RCAN3: variants seen among roughly 807,000 people sequenced by gnomAD.
The protein encoded by RCAN3 is calcipressin-3.
RCAN3 carries 19 observed loss-of-function variants against 21.9 expected under a neutral mutation model. The observed-to-expected ratio is 0.87, with a 90% CI of 0.61 to 1.27. RCAN3 has a LOEUF of 1.27. Ranked by LOEUF, RCAN3 falls within the 50% of genes most tolerant of loss-of-function variation. RCAN3 has a pLI of 0.00. For missense variants in RCAN3, 240 were observed against 300.1 expected (o/e 0.80, Z 1.48); for synonymous variants, 114 against 112.3 (o/e 1.01, Z -0.09).
At chr1:24,510,790 C>T (rs1219228002) in intron 1 of RCAN3, among the ~76,000 whole-genome samples, 2 of 152,178 alleles carry the variant, frequency 1.3e-5, no homozygotes, top group African/African-American at 4.8e-5. Flanking sequence ...AGCTTTTGGC[C>T]TCTGGGGACG....
chr1:24,520,444 C>T (rs1648695665), intron 2 of RCAN3, among the ~76,000 whole-genome samples: 1 of 152,098 alleles, frequency 6.6e-6, no homozygotes, highest in African/African-American at 2.4e-5. Context: ...TATCTATGGA[C>T]TGGAAAACTT....
At chr1:24,528,522 A>G (rs1457448899) in intron 2 of RCAN3, among the ~76,000 whole-genome samples, 1 of 152,228 alleles carries the variant, frequency 6.6e-6, no homozygotes, top group African/African-American at 2.4e-5. Flanking sequence ...TCTCCATGCA[A>G]TACATAATCA....
chr1:24,519,207 G>A (rs896567559), intron 2 of RCAN3, among the ~76,000 whole-genome samples: 2 of 140,342 alleles, frequency 1.4e-5, no homozygotes, highest in African/African-American at 5.9e-5. Context: ...CACTGTGCCT[G>A]GCCTGATGTT....
intron 2 of RCAN3, among the ~76,000 whole-genome samples, chr1:24,529,512 C>T (rs1302226128): frequency 6.8e-6 from 1 of 148,110 alleles, no homozygotes; most frequent in African/African-American, 2.5e-5. Flanking sequence ...GATCACACCA[C>T]TGCACTCCAG....
At chr1:24,534,994 C>A in intron 4 of RCAN3, 99 bp from the exon 5 acceptor site, 1 of 1,055,102 alleles carries the variant, frequency 9.5e-7, no homozygotes, top group Non-Finnish European at 1.4e-6. Flanking sequence ...CAAGAATCAC[C>A]CATTAAAATA....
chr1:24,506,985 A>G (rs140582298), intron 1 of RCAN3, among the ~76,000 whole-genome samples: 2 of 152,298 alleles, frequency 1.3e-5, no homozygotes, highest in East Asian at 3.9e-4. Flanking sequence ...ATAGGATAGA[A>G]ACATTAGTGC....
intron 2 of RCAN3, among the ~76,000 whole-genome samples, chr1:24,521,614 A>G (rs994004846): frequency 2.0e-5 from 3 of 152,278 alleles, no homozygotes; most frequent in Admixed American, 2.0e-4. Context: ...TTGGGAATAC[A>G]AGGCAGGTAG....
At chr1:24,504,457 C>T (rs1344408845) in intron 1 of RCAN3, among the ~76,000 whole-genome samples, 3 of 113,822 alleles carry the variant, frequency 2.6e-5, no homozygotes, top group Non-Finnish European at 5.2e-5. Flanking sequence ...CATGAGCCAC[C>T]GCACCCAGCC....
chr1:24,514,602 G>T, intron 2 of RCAN3, 35 bp downstream of exon 2: 1 of 1,583,858 alleles, frequency 6.3e-7, no homozygotes, highest in Non-Finnish European at 8.6e-7. Flanking sequence ...TACATTTGTA[G>T]CATGTTAAAT....
In RCAN3 at chr1:24,533,177, T is replaced by C. The variant is rs1213605845; in HGVS notation, c.464T>C (p.Val155Ala). The C allele has an allele frequency of 6.2e-7, 1 of 1,606,718 alleles. No homozygotes were observed. Among genetic ancestry groups the C allele is most frequent in the Non-Finnish European group, 8.5e-7 (1 of 1,177,544 alleles). ...FLISPPASPP[V>A]GWKQSEDAMP... is the part of the protein sequence containing the mutation. The stretch of plus-strand genomic sequence containing the variant: ...ATCTCCCCTCCAGCCTCTCCCCCGG[T>C]GGGGTGGAAGCAGAGCGAAGATGCG... Residue 155 changes from valine (V) to alanine (A), a missense_variant, in exon 4 of 5, where the codon GTG becomes GCG. Coordinates refer to ENST00000374395, the MANE Select transcript of RCAN3 (RefSeq NM_013441.4).
At chr1:24,505,225 C>T (rs947988933) in intron 1 of RCAN3, among the ~76,000 whole-genome samples, 26 of 109,438 alleles carry the variant, frequency 2.4e-4, no homozygotes, top group South Asian at 5.9e-4. Flanking sequence ...TTTTTTTTCT[C>T]TTTTTTCTTT....
intron 1 of RCAN3, among the ~76,000 whole-genome samples, chr1:24,506,084 C>G (rs1386866032): frequency 1.3e-5 from 2 of 152,094 alleles, no homozygotes; most frequent in Admixed American, 1.3e-4. Flanking sequence ...GACGGGAAAC[C>G]TGGATTAGCA....
chr1:24,521,274 G>T (rs559866039), intron 2 of RCAN3, among the ~76,000 whole-genome samples: 4 of 152,260 alleles, frequency 2.6e-5, no homozygotes, highest in Non-Finnish European at 4.4e-5. Flanking sequence ...GAATGAAGTT[G>T]CATCCTTATT....
At chr1:24,526,619 G>GGGA (rs879332897) in intron 2 of RCAN3, among the ~76,000 whole-genome samples, 1 of 152,188 alleles carries the variant, frequency 6.6e-6, no homozygotes, top group African/African-American at 2.4e-5. Context: ...GATAATACAT[G>GGGA]AGCCTTTTCC....
At chr1:24,523,648 A>ATATATATTTT (rs113786883) in intron 2 of RCAN3, among the ~76,000 whole-genome samples, 1 of 139,706 alleles carries the variant, frequency 7.2e-6, no homozygotes, top group African/African-American at 3.1e-5. Context: ...ACACATATAT[A>ATATATATTTT]TTTTTTTTCT....
intron 2 of RCAN3, among the ~76,000 whole-genome samples, chr1:24,518,050 C>G (rs1392857393): frequency 6.6e-6 from 1 of 151,244 alleles, no homozygotes; most frequent in African/African-American, 2.4e-5. Context: ...TCTGGCTGGG[C>G]ACATTGGCTC....
intron 1 of RCAN3, among the ~76,000 whole-genome samples, chr1:24,510,865 C>A (rs1035385762): frequency 6.6e-6 from 1 of 152,144 alleles, no homozygotes; most frequent in African/African-American, 2.4e-5. Flanking sequence ...CAGGATGCTT[C>A]CTTTCACTTG....
intron 4 of RCAN3, among the ~76,000 whole-genome samples, chr1:24,534,606 C>CA (rs1431580322): frequency 7.1e-6 from 1 of 141,200 alleles, no homozygotes; most frequent in African/African-American, 2.8e-5. Flanking sequence ...GACTCCATCT[C>CA]AAAAAAAAGA....
chr1:24,529,738 A>ACAG (rs1419399525), intron 2 of RCAN3, among the ~76,000 whole-genome samples: 1 of 150,838 alleles, frequency 6.6e-6, no homozygotes, highest in African/African-American at 2.4e-5. Flanking sequence ...TTTAGTAGAG[A>ACAG]CAGGGTTTCA....
Sources: gnomAD v4.1 joint callset for allele counts (sites outside exome capture counted in the v4.1 genomes callset) on GRCh38, gnomAD v4.1.1 for gene constraint, MANE v1.5 for transcripts, NCBI Gene and HGNC (gene_info 2026-07-23, HGNC 2026-07-21) for gene names.